PPM1H: variants seen among roughly 807,000 people sequenced by gnomAD.
The protein encoded by PPM1H is protein phosphatase 1H.
In PPM1H, 27 loss-of-function variants were observed where a neutral mutation model predicts 54.9. The observed-to-expected ratio is 0.49, with a 90% CI of 0.36 to 0.68. The LOEUF is 0.68. PPM1H is among the 30% of genes least tolerant of loss of function. The pLI, the probability that PPM1H is intolerant of heterozygous loss-of-function variation, is 0.00. For synonymous variants in PPM1H, 305 were observed against 270.8 expected (o/e 1.13, Z -1.24); for missense variants, 596 against 667.8 (o/e 0.89, Z 1.19).
chr12:62,843,462 A>C (rs1868833452), intron 1 of PPM1H, among the ~76,000 whole-genome samples: 1 of 152,242 alleles, frequency 6.6e-6, no homozygotes, highest in Non-Finnish European at 1.5e-5. Flanking sequence ...TGACTTATTT[A>C]GGTAAATGTC....
intron 1 of PPM1H, among the ~76,000 whole-genome samples, chr12:62,920,064 T>C (rs562092338): frequency 6.6e-6 from 1 of 152,300 alleles, no homozygotes; most frequent in Admixed American, 6.5e-5. Flanking sequence ...GGACACCTGG[T>C]TCTAACAACA....
At chr12:62,798,131 C>T (rs1239991367) in intron 3 of PPM1H, among the ~76,000 whole-genome samples, 1 of 152,138 alleles carries the variant, frequency 6.6e-6, no homozygotes, top group Non-Finnish European at 1.5e-5. Context: ...AGAAAAAAAA[C>T]ACAGATCACA....
chr12:62,674,392 T>A (rs2075974438), intron 8 of PPM1H, among the ~76,000 whole-genome samples: 3 of 152,224 alleles, frequency 2.0e-5, no homozygotes, highest in Non-Finnish European at 2.9e-5. Flanking sequence ...GTCCCCTCTA[T>A]TTCATGTGTC....
At chr12:62,915,014 C>T (rs548850220) in intron 1 of PPM1H, among the ~76,000 whole-genome samples, 1 of 152,158 alleles carries the variant, frequency 6.6e-6, no homozygotes, top group African/African-American at 2.4e-5. Context: ...ATGTCATTCC[C>T]AATACTTGCT....
intron 1 of PPM1H, among the ~76,000 whole-genome samples, chr12:62,902,562 C>A (rs1565824456): frequency 1.3e-5 from 2 of 152,172 alleles, no homozygotes; most frequent in East Asian, 3.9e-4. Context: ...CATGGGGTCC[C>A]CCCGCCCCTG....
intron 2 of PPM1H, among the ~76,000 whole-genome samples, chr12:62,815,987 CA>C (rs1275109395): frequency 6.6e-6 from 1 of 152,108 alleles, no homozygotes; most frequent in African/African-American, 2.4e-5. Flanking sequence ...TCTGAGTTGA[CA>C]GGGGACACTG....
chr12:62,802,197 T>C, intron 2 of PPM1H, 37 bp from the exon 3 acceptor site: 1 of 1,488,126 alleles, frequency 6.7e-7, no homozygotes, highest in Non-Finnish European at 9.0e-7. Context: ...TGAGAACGGC[T>C]GTGGACTTTG....
At chr12:62,751,758 AC>A (rs1439527880) in intron 4 of PPM1H, among the ~76,000 whole-genome samples, 1 of 152,194 alleles carries the variant, frequency 6.6e-6, no homozygotes, top group Non-Finnish European at 1.5e-5. Flanking sequence ...TGAGATCTAG[AC>A]TGTATAATGT....
chr12:62,700,837 C>T (rs964107771), intron 6 of PPM1H, among the ~76,000 whole-genome samples: 8 of 152,148 alleles, frequency 5.3e-5, no homozygotes, highest in Non-Finnish European at 5.9e-5. Context: ...TTTTCTATTG[C>T]GATCTAAATA....
At chr12:62,752,500 G>C (rs1246216882) in intron 4 of PPM1H, among the ~76,000 whole-genome samples, 1 of 152,156 alleles carries the variant, frequency 6.6e-6, no homozygotes, top group Non-Finnish European at 1.5e-5. Flanking sequence ...ACATTCCACA[G>C]AAAAGAAGGA....
chr12:62,767,814 T>C (rs1170397831), intron 4 of PPM1H, among the ~76,000 whole-genome samples: 1 of 152,230 alleles, frequency 6.6e-6, no homozygotes, highest in African/African-American at 2.4e-5. Flanking sequence ...TCTTCCCAGC[T>C]TCTGGTGATT....
chr12:62,755,160 G>A (rs1309763815), intron 4 of PPM1H: 2 of 525,800 alleles, frequency 3.8e-6, no homozygotes, highest in African/African-American at 1.9e-5. Context: ...GTAGCTCTCT[G>A]CTCCTCCCAT....
intron 1 of PPM1H, among the ~76,000 whole-genome samples, chr12:62,907,177 T>C (rs771990): frequency 0.33 from 49,921 of 152,106 alleles, 9,852 homozygotes; most frequent in Non-Finnish European, 0.45. Context: ...CTTCCCACCC[T>C]CCATCTAAGA....
At chr12:62,921,797 A>C (rs1174609016) in intron 1 of PPM1H, among the ~76,000 whole-genome samples, 1 of 152,206 alleles carries the variant, frequency 6.6e-6, no homozygotes, top group Non-Finnish European at 1.5e-5. Flanking sequence ...ACAAACAAGC[A>C]AACAAAAAAC....
intron 1 of PPM1H, among the ~76,000 whole-genome samples, chr12:62,878,087 T>TG (rs1327049019): frequency 6.6e-6 from 1 of 151,956 alleles, no homozygotes; most frequent in Non-Finnish European, 1.5e-5. Context: ...TTAGTAGAGA[T>TG]GGGGGTTTCA....
chr12:62,839,590 G>C (rs1310371509), intron 1 of PPM1H, among the ~76,000 whole-genome samples: 1 of 151,442 alleles, frequency 6.6e-6, no homozygotes, highest in Non-Finnish European at 1.5e-5. Context: ...TCATTGAAGT[G>C]ACCAGCCTGG....
chr12:62,755,981 C>T (rs2076472241), intron 4 of PPM1H: 1 of 1,247,474 alleles, frequency 8.0e-7, no homozygotes, highest in Non-Finnish European at 1.2e-6. Flanking sequence ...TCTGGAAAAA[C>T]TGCCAAATAT....
At chr12:62,780,582 A>C (rs539594987) in intron 4 of PPM1H, among the ~76,000 whole-genome samples, 2 of 152,338 alleles carry the variant, frequency 1.3e-5, no homozygotes, top group East Asian at 3.9e-4. Flanking sequence ...CTGGGATTAC[A>C]GACATGAGCC....
intron 8 of PPM1H, among the ~76,000 whole-genome samples, chr12:62,673,850 C>T (rs1187670411): frequency 2.0e-5 from 3 of 149,268 alleles, no homozygotes; most frequent in Non-Finnish European, 4.4e-5. Context: ...CTCAGCCTTT[C>T]AAGTAGCTGG....
Sources: allele counts gnomAD v4.1 joint callset (sites outside exome capture counted in the v4.1 genomes callset), GRCh38; gene constraint gnomAD v4.1.1; transcripts MANE v1.5; gene names NCBI Gene and HGNC (gene_info 2026-07-23, HGNC 2026-07-21).